The following DNAH7 variants were observed in gnomAD, a reference collection of about 807,000 sequenced individuals.
DNAH7 encodes axonemal beta dynein heavy chain 7.
DNAH7 carries 397 observed loss-of-function variants against 444.6 expected under a neutral mutation model. That is an observed-to-expected ratio of 0.89 (90% CI 0.82 to 0.97). The LOEUF is 0.97. DNAH7 is among the 50% of genes least tolerant of loss of function. DNAH7 has a pLI of 0.00. For synonymous variants in DNAH7, 1,636 were observed against 1,624.4 expected (o/e 1.01, Z -0.17); for missense variants, 4,902 against 4,800.8 (o/e 1.02, Z -0.62).
chr2:195,956,730 T>G (rs1429813493), intron 19 of DNAH7, among the ~76,000 whole-genome samples: 1 of 152,208 alleles, frequency 6.6e-6, no homozygotes, highest in African/African-American at 2.4e-5. Context: ...AATTCTCTCT[T>G]TAGCTTAAAT....
At chr2:195,883,075 A>G (rs910528361) in intron 35 of DNAH7, among the ~76,000 whole-genome samples, 2 of 152,208 alleles carry the variant, frequency 1.3e-5, no homozygotes, top group Admixed American at 6.5e-5. Flanking sequence ...CAACGAAGAA[A>G]ATAATGCCTT....
chr2:196,039,548 A>T (rs1696599534), intron 5 of DNAH7, among the ~76,000 whole-genome samples: 1 of 152,186 alleles, frequency 6.6e-6, no homozygotes, highest in Non-Finnish European at 1.5e-5. Context: ...CTGTAATCCC[A>T]GCACTTTGGG....
At chr2:195,766,167 ATTTTTT>A (rs755912873) in intron 61 of DNAH7, among the ~76,000 whole-genome samples, 24 of 57,328 alleles carry the variant, frequency 4.2e-4, no homozygotes, top group Admixed American at 7.9e-4. Context: ...GTGGGAGCTA[ATTTTTT>A]TTTTTTTTTT....
intron 1 of DNAH7, chr2:196,063,183 G>C (rs1698230685): frequency 6.6e-6 from 1 of 152,158 alleles, no homozygotes; most frequent in Non-Finnish European, 1.5e-5. Flanking sequence ...CGCCTGGCCA[G>C]GTTGGTTCTT....
chr2:195,766,107 G>A (rs984015262), intron 61 of DNAH7, among the ~76,000 whole-genome samples: 2 of 148,962 alleles, frequency 1.3e-5, no homozygotes, highest in African/African-American at 4.9e-5. Context: ...TATGTTAAGC[G>A]AAAAAAGCCA....
At chr2:195,758,107 A>T (rs376990417) in intron 61 of DNAH7, among the ~76,000 whole-genome samples, 5 of 152,220 alleles carry the variant, frequency 3.3e-5, no homozygotes, top group African/African-American at 4.8e-5. Context: ...CAGGAAGGAC[A>T]CAAGAAGAAG....
At chr2:195,850,336 C>T (rs866438341) in intron 46 of DNAH7, among the ~76,000 whole-genome samples, 5 of 150,822 alleles carry the variant, frequency 3.3e-5, no homozygotes, top group African/African-American at 4.9e-5. Context: ...GAAAACTGGC[C>T]ATTAAGAGTG....
In DNAH7 at chr2:195,844,884, A is replaced by G. The variant is rs570019532; in HGVS notation, c.8945+118T>C. 4 of 798,934 alleles carry G rather than the reference A, an allele frequency of 5.0e-6. No homozygotes were observed. In the South Asian group the frequency reaches 7.8e-5, roughly 16 times the overall value. 49.5% of individuals were successfully genotyped at this position (798,934 alleles called of 1,614,324 possible). On this transcript the variant is annotated intron_variant, in intron 47 of 64. Transcript: ENST00000312428. Reference sequence around the variant, plus strand: ...GTGATTACTCATACTTAATTTCACTAATTAGTTAAGTAATTTTTTAATACT... The same window carrying G: ...GTGATTACTCATACTTAATTTCACTGATTAGTTAAGTAATTTTTTAATACT...
chr2:195,984,760 T>C (rs746184072), intron 14 of DNAH7, 50 bp from the exon 15 acceptor site: 3 of 1,494,820 alleles, frequency 2.0e-6, no homozygotes, highest in South Asian at 2.3e-5. Flanking sequence ...TCAATTTAAT[T>C]CCAAAATATA....
intron 7 of DNAH7, among the ~76,000 whole-genome samples, chr2:196,026,491 A>C (rs1695697506): frequency 6.6e-6 from 1 of 152,200 alleles, no homozygotes; most frequent in South Asian, 2.1e-4. Context: ...CTCAATAAAT[A>C]TCTTGAGGGA....
intron 10 of DNAH7, 39 bp downstream of exon 10, chr2:196,012,748 T>A: frequency 6.3e-7 from 1 of 1,592,862 alleles, no homozygotes; most frequent in South Asian, 1.1e-5. Flanking sequence ...ATCATATTTT[T>A]AAACTTATGC....
Position 195,796,648 on chromosome 2 carries a change from T to C in DNAH7, c.10443A>G (p.Glu3481=), listed in dbSNP as rs1212538556. The change falls in exon 56 of 65, where the codon GAA becomes GAG. Residue 3481 remains glutamate, a synonymous_variant. Transcript: ENST00000312428. ...AMKMLEKAVK[E]GTWVVLQNCH... The stretch of plus-strand genomic sequence containing the variant: ...AATTCTGAAGAACAACCCATGTTCC[T>C]TCCTTGACAGCTTTTTCTAACATCT... The C allele has an allele frequency of 9.9e-6, 16 of 1,614,084 alleles. No homozygotes were observed. The highest frequency in any genetic ancestry group is 1.3e-5 in the African/African-American group (1 of 74,946).
intron 10 of DNAH7, among the ~76,000 whole-genome samples, chr2:196,006,878 TTACA>T (rs1694410955): frequency 6.6e-6 from 1 of 151,926 alleles, no homozygotes; most frequent in Admixed American, 6.6e-5. Context: ...ACATATAAAA[TTACA>T]TACATAATTA....
chr2:195,807,315 C>T (rs1696760265), intron 53 of DNAH7, among the ~76,000 whole-genome samples: 2 of 152,012 alleles, frequency 1.3e-5, no homozygotes. Flanking sequence ...CACCACCATA[C>T]CCAGCTAACT....
chr2:196,004,834 G>A (rs912275560), intron 10 of DNAH7, among the ~76,000 whole-genome samples: 1 of 151,734 alleles, frequency 6.6e-6, no homozygotes, highest in African/African-American at 2.4e-5. Flanking sequence ...GGTGACATGC[G>A]CCTGTGTTCC....
chr2:196,022,028 G>A (rs1695412244), intron 8 of DNAH7, among the ~76,000 whole-genome samples: 1 of 152,064 alleles, frequency 6.6e-6, no homozygotes, highest in Admixed American at 6.5e-5. Context: ...TCAGAAGGCT[G>A]AGGCAGGAGA....
intron 35 of DNAH7, among the ~76,000 whole-genome samples, chr2:195,883,451 T>TCCCGC (rs1701530366): frequency 8.3e-6 from 1 of 121,090 alleles, no homozygotes; most frequent in African/African-American, 3.2e-5. Flanking sequence ...CAGTCCCCGC[T>TCCCGC]CCCCCCCCCC....
chr2:195,746,578 T>C (rs1021524866), intron 63 of DNAH7, among the ~76,000 whole-genome samples: 5 of 152,254 alleles, frequency 3.3e-5, no homozygotes, highest in East Asian at 1.9e-4. Context: ...TATTCCAAAA[T>C]TGACCACATA....
chr2:196,012,361 A>G (rs1694772248), intron 10 of DNAH7, among the ~76,000 whole-genome samples: 1 of 152,200 alleles, frequency 6.6e-6, no homozygotes, highest in Non-Finnish European at 1.5e-5. Flanking sequence ...TTTTTAATTC[A>G]TTTAAACGAT....
Sources: allele counts gnomAD v4.1 joint callset (sites outside exome capture counted in the v4.1 genomes callset), GRCh38; gene constraint gnomAD v4.1.1; transcripts MANE v1.5; gene names NCBI Gene and HGNC (gene_info 2026-07-23, HGNC 2026-07-21).